Variants in ZNF569 observed in about 807,000 individuals in gnomAD.
ZNF569 encodes zinc finger protein 569.
In ZNF569, 38 loss-of-function variants were observed where a neutral mutation model predicts 56.3. The ratio of observed to expected loss-of-function variants is 0.68; its 90% CI spans 0.52 to 0.88. The LOEUF (loss-of-function observed/expected upper bound fraction) is 0.88. Ranked by LOEUF, ZNF569 falls within the 40% of genes least tolerant of loss-of-function variation. The probability of loss-of-function intolerance (pLI) is 0.00; values close to 1 mark genes in which losing one functional copy is unlikely to be tolerated. For synonymous variants in ZNF569, 241 were observed against 262.9 expected (o/e 0.92, Z 0.81); for missense variants, 666 against 809.2 (o/e 0.82, Z 2.15).
At chr19:37,433,849 A>T (rs1293452914) in intron 3 of ZNF569, among the ~76,000 whole-genome samples, 1 of 152,252 alleles carries the variant, frequency 6.6e-6, no homozygotes, top group Non-Finnish European at 1.5e-5. Flanking sequence ...CTACAAAAAA[A>T]TGCTAAAGAG....
At chr19:37,428,235 G>A (rs567603149) in intron 3 of ZNF569, among the ~76,000 whole-genome samples, 20 of 152,252 alleles carry the variant, frequency 1.3e-4, no homozygotes, top group East Asian at 1.2e-3. Context: ...AGCTAGGCGC[G>A]GTGGCTCACG....
At chr19:37,434,959 C>T (rs764288660) in intron 3 of ZNF569, among the ~76,000 whole-genome samples, 21 of 152,126 alleles carry the variant, frequency 1.4e-4, no homozygotes, top group South Asian at 6.2e-4. Flanking sequence ...AAATAAACAG[C>T]CTTGCTGCTC....
intron 2 of ZNF569, among the ~76,000 whole-genome samples, chr19:37,446,495 A>T (rs1054675936): frequency 6.6e-6 from 1 of 150,636 alleles, no homozygotes. Context: ...GGTTGCAGTG[A>T]ACCAATATCA....
At chr19:37,419,027 G>A (rs540240425) in intron 5 of ZNF569, among the ~76,000 whole-genome samples, 1 of 152,148 alleles carries the variant, frequency 6.6e-6, no homozygotes, top group Non-Finnish European at 1.5e-5. Flanking sequence ...TCATTATGGT[G>A]ATTTGGATTT....
intron 5 of ZNF569, among the ~76,000 whole-genome samples, chr19:37,423,309 G>A (rs2041068902): frequency 6.6e-6 from 1 of 152,126 alleles, no homozygotes. Flanking sequence ...AGTTCAACAG[G>A]TAACATCTAC....
chr19:37,452,694 T>C (rs184088422), intron 2 of ZNF569, among the ~76,000 whole-genome samples: 78 of 152,316 alleles, frequency 5.1e-4, no homozygotes, highest in African/African-American at 1.5e-3. Flanking sequence ...AATAGTCCTA[T>C]AGATGTTCCC....
intron 2 of ZNF569, among the ~76,000 whole-genome samples, chr19:37,453,490 A>G (rs1226745936): frequency 6.6e-6 from 1 of 152,048 alleles, no homozygotes; most frequent in Non-Finnish European, 1.5e-5. Flanking sequence ...GAAATCCTGG[A>G]TTGACAGTTT....
intron 5 of ZNF569, among the ~76,000 whole-genome samples, chr19:37,422,782 T>C (rs887106461): frequency 2.6e-5 from 4 of 152,034 alleles, no homozygotes; most frequent in Non-Finnish European, 4.4e-5. Flanking sequence ...GCGGGGGGAA[T>C]AGAACTTTCA....
At chr19:37,463,808 G>A (rs2041790957) in intron 2 of ZNF569, among the ~76,000 whole-genome samples, 1 of 152,106 alleles carries the variant, frequency 6.6e-6, no homozygotes, top group South Asian at 2.1e-4. Context: ...TTCTGACCCT[G>A]TGTAAGCCTA....
chr19:37,435,425 CA>C (rs1340469632), intron 3 of ZNF569, among the ~76,000 whole-genome samples: 2 of 152,054 alleles, frequency 1.3e-5, no homozygotes, highest in Non-Finnish European at 2.9e-5. Flanking sequence ...AAGAAGACCA[CA>C]AAACAACCTG....
At chr19:37,457,526 T>C (rs1209036711) in intron 2 of ZNF569, among the ~76,000 whole-genome samples, 11 of 152,328 alleles carry the variant, frequency 7.2e-5, no homozygotes, top group Admixed American at 3.3e-4. Flanking sequence ...GATAAGTTCA[T>C]GTCCTTTGTA....
chr19:37,422,977 C>T (rs1348313943), intron 5 of ZNF569, among the ~76,000 whole-genome samples: 2 of 152,134 alleles, frequency 1.3e-5, no homozygotes, highest in Non-Finnish European at 2.9e-5. Flanking sequence ...AATCAGAGAA[C>T]ACTACAAATA....
At chr19:37,455,895 A>G (rs2041663566) in intron 2 of ZNF569, among the ~76,000 whole-genome samples, 1 of 152,238 alleles carries the variant, frequency 6.6e-6, no homozygotes, top group South Asian at 2.1e-4. Flanking sequence ...GTACCGCTCT[A>G]TCTGGGATCT....
chr19:37,437,027 A>G (rs1001162227), intron 3 of ZNF569, among the ~76,000 whole-genome samples: 3 of 151,780 alleles, frequency 2.0e-5, no homozygotes, highest in Admixed American at 1.3e-4. Flanking sequence ...AAAAAAAAAA[A>G]AAAAAGAAAG....
chr19:37,449,358 T>C (rs1352746849), intron 2 of ZNF569, among the ~76,000 whole-genome samples: 1 of 152,246 alleles, frequency 6.6e-6, no homozygotes, highest in Non-Finnish European at 1.5e-5. Context: ...ATTCAATACA[T>C]GAATGTTGGT....
At chr19:37,428,344 AAATG>A (rs553125324) in intron 3 of ZNF569, among the ~76,000 whole-genome samples, 218 of 140,192 alleles carry the variant, frequency 1.6e-3, no homozygotes, top group African/African-American at 5.4e-3. Context: ...TCTCTACAAT[AAATG>A]AATGAATGAA....
intron 2 of ZNF569, among the ~76,000 whole-genome samples, chr19:37,458,313 T>A (rs2041705265): frequency 6.6e-6 from 1 of 152,228 alleles, no homozygotes; most frequent in Non-Finnish European, 1.5e-5. Flanking sequence ...TCTGAATACC[T>A]CATTAGCTTC....
At chr19:37,433,584 A>G (rs2041259674) in intron 3 of ZNF569, among the ~76,000 whole-genome samples, 1 of 152,200 alleles carries the variant, frequency 6.6e-6, no homozygotes, top group Non-Finnish European at 1.5e-5. Context: ...AATGATAAAG[A>G]AAGGATCCAT....
rs189599077 is a variant in ZNF569, at chr19:37,417,500, C to T, written c.239-3081G>A. ...CTGAGCTCAGATGATCCACCCGCCT[C>T]GGCCTCTCAAAGTGCTGGGATTACA... On this transcript the variant is annotated intron_variant, in intron 5 of 5. Transcript: ENST00000316950. 4.6e-5 allele frequency among the ~76,000 whole-genome samples: 7 copies of T among 151,336 alleles called. No homozygotes were observed. In the East Asian group the frequency reaches 5.9e-4, roughly 13 times the overall value.
Sources: gnomAD v4.1 joint callset for allele counts (sites outside exome capture counted in the v4.1 genomes callset) on GRCh38, gnomAD v4.1.1 for gene constraint, MANE v1.5 for transcripts, NCBI Gene and HGNC (gene_info 2026-07-23, HGNC 2026-07-21) for gene names.